The following PPM1H variants were observed in gnomAD, a reference collection of about 807,000 sequenced individuals.
PPM1H encodes the protein protein phosphatase, Mg2+/Mn2+ dependent 1H.
A neutral mutation model predicts 54.9 loss-of-function variants in PPM1H; 27 were observed. The ratio of observed to expected loss-of-function variants is 0.49; its 90% CI spans 0.36 to 0.68. The LOEUF is 0.68. PPM1H is among the 30% of genes least tolerant of loss of function. PPM1H has a pLI of 0.00. For synonymous variants in PPM1H, 305 were observed against 270.8 expected (o/e 1.13, Z -1.24); for missense variants, 596 against 667.8 (o/e 0.89, Z 1.19).
intron 1 of PPM1H, among the ~76,000 whole-genome samples, chr12:62,892,186 T>C (rs957065442): frequency 6.6e-6 from 1 of 152,196 alleles, no homozygotes; most frequent in African/African-American, 2.4e-5. Context: ...CAACTTTTTT[T>C]CCCAGTTAAA....
chr12:62,834,245 GTCTA>G lies in PPM1H; in HGVS notation c.246-1970_246-1967del, dbSNP rs943683129. Reference sequence around the variant, plus strand: ...GCAGTGGGGAAAGGGAGGATTCAATGTCTATTTTCTTGTCCCACCTTCAAGGAAA... The same window carrying G: ...GCAGTGGGGAAAGGGAGGATTCAATGTTTTCTTGTCCCACCTTCAAGGAAA... On this transcript the variant is annotated intron_variant, in intron 1 of 9. Transcript: ENST00000228705. Among the ~76,000 whole-genome samples, 69 of 152,254 alleles carry G rather than the reference GTCTA, an allele frequency of 4.5e-4. 1 individual carries two copies. Among genetic ancestry groups the G allele is most frequent in the African/African-American group, 1.6e-3 (68 of 41,554 alleles).
intron 4 of PPM1H, among the ~76,000 whole-genome samples, chr12:62,743,799 A>C (rs1354852067): frequency 6.6e-6 from 1 of 152,128 alleles, no homozygotes; most frequent in Non-Finnish European, 1.5e-5. Context: ...AAAGATGCTC[A>C]ATCTCACTAG....
At chr12:62,791,293 G>A (rs995022574) in intron 3 of PPM1H, among the ~76,000 whole-genome samples, 7 of 152,092 alleles carry the variant, frequency 4.6e-5, no homozygotes, top group Admixed American at 3.9e-4. Flanking sequence ...GGAGGGGCAC[G>A]GGTGTCAGGT....
At chr12:62,889,965 C>T (rs1233057586) in intron 1 of PPM1H, among the ~76,000 whole-genome samples, 3 of 152,088 alleles carry the variant, frequency 2.0e-5, no homozygotes, top group Non-Finnish European at 4.4e-5. Context: ...CTGCAATAGA[C>T]ACTGTCAAGA....
rs1246832294 is a variant in PPM1H at position 62,683,048 on chromosome 12, ATTAT to A, written c.1245+6647_1245+6650del. Among the ~76,000 whole-genome samples, 3 of 109,810 alleles carry A rather than the reference ATTAT, an allele frequency of 2.7e-5. No homozygotes were observed. In the East Asian group the frequency reaches 6.8e-4, roughly 25 times the overall value. The allele number at this position is 109,810 out of a possible 152,430, so 72.0% of individuals were successfully genotyped here. A position where few individuals can be genotyped will look rare whatever the true frequency, so the allele number is the denominator to read the frequency against. On this transcript the variant is annotated intron_variant, in intron 8 of 9. Coordinates refer to ENST00000228705, the MANE Select transcript of PPM1H (RefSeq NM_020700.2). ...GAGTTTATTATTTATTATTATTATTATTATTATTATTATTATTATTATTATTATT... is the reference window on the plus strand; with the variant it reads ...GAGTTTATTATTTATTATTATTATTATATTATTATTATTATTATTATTATT...
intron 6 of PPM1H, among the ~76,000 whole-genome samples, chr12:62,701,110 G>C (rs1360569378): frequency 6.6e-6 from 1 of 152,112 alleles, no homozygotes; most frequent in African/African-American, 2.4e-5. Flanking sequence ...TAAATATTTG[G>C]TTAAGCAAGC....
intron 1 of PPM1H, among the ~76,000 whole-genome samples, chr12:62,858,474 A>G (rs1005909666): frequency 6.6e-5 from 10 of 151,690 alleles, no homozygotes; most frequent in Non-Finnish European, 1.3e-4. Flanking sequence ...TGTTTTTTTC[A>G]TAAATAACTC....
chr12:62,761,211 G>A (rs1440521362), intron 4 of PPM1H, among the ~76,000 whole-genome samples: 1 of 152,208 alleles, frequency 6.6e-6, no homozygotes, highest in African/African-American at 2.4e-5. Context: ...GGACTCCACA[G>A]TTACGGAGGA....
rs572419420 is a variant in PPM1H, at chr12:62,798,155, G to A, written c.756+3661C>T. Among the ~76,000 whole-genome samples the A allele has an allele frequency of 5.7e-3, 866 of 152,344 alleles. 15 individuals carry two copies. Among genetic ancestry groups the A allele is most frequent in the African/African-American group, 0.02 (833 of 41,566 alleles). ...ACACAGATCACAGAGACAGTCTGTA[G>A]TCTGTACCTTTCTCCAAAGATGAAT... On this transcript the variant is annotated intron_variant, in intron 3 of 9. Coordinates refer to ENST00000228705, the MANE Select transcript of PPM1H (RefSeq NM_020700.2).
chr12:62,742,602 A>G (rs925959656), intron 4 of PPM1H, among the ~76,000 whole-genome samples: 1 of 152,222 alleles, frequency 6.6e-6, no homozygotes, highest in African/African-American at 2.4e-5. Flanking sequence ...CCTAGCTTCT[A>G]TTTCATTATT....
At chr12:62,706,581 T>C (rs2076175662) in intron 6 of PPM1H, among the ~76,000 whole-genome samples, 1 of 152,256 alleles carries the variant, frequency 6.6e-6, no homozygotes, top group Non-Finnish European at 1.5e-5. Flanking sequence ...TAATCCTCAC[T>C]GTAACACTGT....
Position 62,908,453 on chromosome 12 carries a change from T to C in PPM1H, c.245+26039A>G, listed in dbSNP as rs913339493. The stretch of plus-strand genomic sequence containing the variant: ...AAGAAAGAAAGAAATTGAGTTTTGC[T>C]CATTTTTATTTTATTTTTAAAATCC... On this transcript the variant is annotated intron_variant, in intron 1 of 9. Coordinates refer to ENST00000228705, the MANE Select transcript of PPM1H (RefSeq NM_020700.2). Among the ~76,000 whole-genome samples the C allele has an allele frequency of 2.0e-5, 3 of 151,410 alleles. No homozygotes were observed. In the East Asian group the frequency reaches 5.8e-4, roughly 29 times the overall value.
At chr12:62,855,124 A>G (rs921369100) in intron 1 of PPM1H, among the ~76,000 whole-genome samples, 1 of 152,166 alleles carries the variant, frequency 6.6e-6, no homozygotes, top group Non-Finnish European at 1.5e-5. Context: ...TAATAGTAGA[A>G]TAATAGGCCA....
At position 62,778,543 on chromosome 12, in the gene PPM1H, C is replaced by T. The variant is rs192929273; in HGVS notation, c.869+9683G>A. Reference sequence around the variant, plus strand: ...GAGTTAAAAATGACAGAGCCTCCTTCGGCCTAGGTCCTCGAGTGCCTGAAA... The same window carrying T: ...GAGTTAAAAATGACAGAGCCTCCTTTGGCCTAGGTCCTCGAGTGCCTGAAA... On this transcript the variant is annotated intron_variant, in intron 4 of 9. Coordinates refer to ENST00000228705, the MANE Select transcript of PPM1H (RefSeq NM_020700.2). Among the ~76,000 whole-genome samples, 25 of 152,296 alleles carry T rather than the reference C, an allele frequency of 1.6e-4. 1 individual carries two copies. The highest frequency in any genetic ancestry group is 3.4e-3 in the Middle Eastern group (1 of 294).
intron 5 of PPM1H, among the ~76,000 whole-genome samples, chr12:62,728,831 C>T (rs889749095): frequency 2.0e-5 from 3 of 152,176 alleles, no homozygotes; most frequent in Non-Finnish European, 4.4e-5. Flanking sequence ...AGGGCTCCAG[C>T]GGAGGGCTGA....
intron 2 of PPM1H, among the ~76,000 whole-genome samples, chr12:62,817,144 A>AAT (rs2076873145): frequency 1.5e-5 from 2 of 133,678 alleles, no homozygotes; most frequent in African/African-American, 5.5e-5. Context: ...AAAGAAAAAA[A>AAT]AAAAAACTAA....
intron 1 of PPM1H, among the ~76,000 whole-genome samples, chr12:62,887,853 G>A (rs1029134795): frequency 9.2e-5 from 14 of 152,180 alleles, no homozygotes; most frequent in African/African-American, 3.4e-4. Context: ...CAGGCTGAGG[G>A]GAGAGCAACT....
At chr12:62,753,754 T>G (rs1346503422) in intron 4 of PPM1H, among the ~76,000 whole-genome samples, 1 of 152,000 alleles carries the variant, frequency 6.6e-6, no homozygotes, top group African/African-American at 2.4e-5. Flanking sequence ...CCAGGTTCTC[T>G]CCCCCTCTCT....
intron 5 of PPM1H, among the ~76,000 whole-genome samples, chr12:62,724,351 G>A (rs867720523): frequency 5.3e-5 from 8 of 152,174 alleles, no homozygotes; most frequent in South Asian, 4.1e-4. Flanking sequence ...GATTTCAGGC[G>A]CTTTGCCTCC....
Sources: gnomAD v4.1 joint callset for allele counts (sites outside exome capture counted in the v4.1 genomes callset) on GRCh38, gnomAD v4.1.1 for gene constraint, MANE v1.5 for transcripts, NCBI Gene and HGNC (gene_info 2026-07-23, HGNC 2026-07-21) for gene names.